COX15: variants seen among roughly 807,000 people sequenced by gnomAD.
COX15 encodes cytochrome c oxidase assembly factor COX15.
A neutral mutation model predicts 51.9 loss-of-function variants in COX15; 51 were observed. The observed-to-expected ratio is 0.98, with a 90% confidence interval of 0.78 to 1.24. The LOEUF (loss-of-function observed/expected upper bound fraction) is 1.24, where lower values mean the gene tolerates loss of function less well. Among genes scored for constraint, COX15 ranks in the 50% most tolerant of loss-of-function variants. The pLI is 0.00. For missense variants in COX15, 420 were observed against 501.1 expected, an observed-to-expected ratio of 0.84 and a Z score of 1.55; for synonymous variants, 188 against 190.5, an observed-to-expected ratio of 0.99 and a Z score of 0.11.
intron 8 of COX15, 76 bp downstream of exon 8, chr10:99,716,272 C>T (rs2036570220): frequency 9.7e-7 from 1 of 1,034,360 alleles, no homozygotes; most frequent in Non-Finnish European, 1.5e-6. Context: ...GGATTACAGC[C>T]ATGAGCCACT....
Position 99,712,991 on chromosome 10 carries a change from CAG to C in COX15, c.*1594_*1595del, listed in dbSNP as rs1313116253. The C allele has an allele frequency of 1.9e-6, 2 of 1,040,798 alleles. No homozygotes were observed. Among genetic ancestry groups the C allele is most frequent in the South Asian group, 3.3e-5 (1 of 30,374 alleles). 64.5% of individuals were successfully genotyped at this position (1,040,798 alleles called of 1,614,324 possible). On this transcript the variant is annotated 3_prime_UTR_variant, in exon 9 of 9. Transcript: ENST00000016171. ...GTTCCTTCACCTATTCCCTGTGTGA[CAG>C]GGGTTCTGGACTCATCATTCTGATC...
At chr10:99,709,867 A>G, downstream of COX15, 1 of 985,444 alleles carries the variant, frequency 1.0e-6, no homozygotes, top group Non-Finnish European at 1.2e-6. Flanking sequence ...ATAACACACC[A>G]GTTGACCATT....
chr10:99,708,143 T>A (rs958902754), downstream of COX15, among the ~76,000 whole-genome samples: 1 of 152,174 alleles, frequency 6.6e-6, no homozygotes, highest in Non-Finnish European at 1.5e-5. Flanking sequence ...TCTCCAAATG[T>A]CTTCCAAAGT....
intron 5 of COX15, 117 bp from the exon 6 acceptor site, chr10:99,721,185 A>G (rs974488451): frequency 1.7e-5 from 13 of 768,894 alleles, no homozygotes; most frequent in Non-Finnish European, 2.5e-5. Context: ...TCTGACCCCT[A>G]GACTAGGTTA....
chr10:99,728,733 A>G (rs1308072406), intron 2 of COX15, among the ~76,000 whole-genome samples: 1 of 152,238 alleles, frequency 6.6e-6, no homozygotes, highest in Admixed American at 6.5e-5. Context: ...GACGGGACAA[A>G]GGAACATGTT....
chr10:99,713,714 A>C lies in COX15; in HGVS notation c.*873T>G, dbSNP rs1198293213. 3 of 621,998 alleles carry C rather than the reference A, an allele frequency of 4.8e-6. No individual in the cohort carries two copies. Among genetic ancestry groups the C allele is most frequent in the Non-Finnish European group, 7.8e-6 (3 of 385,560 alleles). The allele number at this position is 621,998 out of a possible 1,614,324, so 38.5% of individuals were successfully genotyped here. On this transcript the variant is annotated 3_prime_UTR_variant, in exon 9 of 9. Coordinates refer to ENST00000016171, the MANE Select transcript of COX15 (RefSeq NM_078470.6). ...GCTGGGCGTGGTGGCCCATGCCTGT[A>C]ATCTCAGCACTTTGGGAAGCCGAGA...
Position 99,714,134 on chromosome 10 carries a change from G to C in COX15, c.*453C>G, listed in dbSNP as rs1590080122. 1 of 1,009,916 alleles carries C rather than the reference G, an allele frequency of 9.9e-7. No individual in the cohort carries two copies. The highest frequency in any genetic ancestry group is 9.5e-5 in the East Asian group (1 of 10,472). 62.6% of individuals were successfully genotyped at this position (1,009,916 alleles called of 1,614,324 possible). On this transcript the variant is annotated 3_prime_UTR_variant, in exon 9 of 9. Coordinates refer to ENST00000016171, the MANE Select transcript of COX15 (RefSeq NM_078470.6). ...CATTAGCTTTTTTTTTTTTGCTGAA[G>C]ACCAGCTGGCTACTTTGGGTATGTC...
the COX15 span, among the ~76,000 whole-genome samples, chr10:99,694,364 T>TTTCA: frequency 6.6e-6 from 1 of 152,202 alleles, no homozygotes; most frequent in Non-Finnish European, 1.5e-5. Context: ...GGTATGGGTA[T>TTTCA]TTCATTCCTT....
At chr10:99,717,709 T>C (rs2036620599) in intron 7 of COX15, among the ~76,000 whole-genome samples, 1 of 152,050 alleles carries the variant, frequency 6.6e-6, no homozygotes, top group Non-Finnish European at 1.5e-5. Flanking sequence ...TTAAATTCTC[T>C]CTCAAATGCA....
In COX15 at chr10:99,713,911, G is replaced by T; in HGVS notation, c.*676C>A. 1.3e-6 allele frequency: 1 copy of T among 755,746 alleles called. No individual in the cohort carries two copies. Among genetic ancestry groups the T allele is most frequent in the South Asian group, 4.3e-5 (1 of 23,188 alleles). The allele number at this position is 755,746 out of a possible 1,614,324, so 46.8% of individuals were successfully genotyped here. ...TTGAACCTGGGAAGTGGAGGTTGCA[G>T]AGTGAGCTGAGATCACGCCATTGTA... On this transcript the variant is annotated 3_prime_UTR_variant, in exon 9 of 9. Coordinates refer to ENST00000016171, the MANE Select transcript of COX15 (RefSeq NM_078470.6).
chr10:99,708,832 C>CT (rs2036302543), downstream of COX15: 1 of 985,318 alleles, frequency 1.0e-6, no homozygotes, highest in African/African-American at 1.7e-5. Flanking sequence ...AGCCCAACTA[C>CT]TTTGTCAGCT....
At chr10:99,704,684 G>C in the COX15 span, 7 of 1,611,718 alleles carry the variant, frequency 4.3e-6, no homozygotes, top group Non-Finnish European at 5.9e-6. Flanking sequence ...GGGGCCGTGA[G>C]GCTGGACCAG....
At position 99,715,496 on chromosome 10, in the gene COX15, G is replaced by A. The variant is rs140065710; in HGVS notation, c.1102-778C>T. Among the ~76,000 whole-genome samples the A allele has an allele frequency of 4.1e-4, 48 of 117,048 alleles. No individual in the cohort carries two copies. In the East Asian group the frequency reaches 0.011, roughly 27 times the overall value. The allele number at this position is 117,048 out of a possible 152,430, so 76.8% of individuals were successfully genotyped here. A position where few individuals can be genotyped will look rare whatever the true frequency, so the allele number is the denominator to read the frequency against. On this transcript the variant is annotated intron_variant, in intron 8 of 8. Coordinates refer to ENST00000016171, the MANE Select transcript of COX15 (RefSeq NM_078470.6). Reference sequence around the variant, plus strand: ...TTTTTCACTATCACAATTCTATGATGAATTTTCTCATACAAAAGGTCTTTG... The same window carrying A: ...TTTTTCACTATCACAATTCTATGATAAATTTTCTCATACAAAAGGTCTTTG...
chr10:99,707,795 T>A (rs1273795690), downstream of COX15, among the ~76,000 whole-genome samples: 2 of 152,208 alleles, frequency 1.3e-5, no homozygotes, highest in African/African-American at 4.8e-5. Context: ...AAATACCCAT[T>A]TATGTGGCAT....
the COX15 span, chr10:99,700,989 C>T: frequency 2.5e-6 from 4 of 1,613,928 alleles, no homozygotes; most frequent in Non-Finnish European, 3.4e-6. Context: ...TGTGGCATGG[C>T]TTGGTCGGTA....
In COX15 at chr10:99,713,407, C is replaced by A. The variant is rs1269338829; in HGVS notation, c.*1180G>T. 6.2e-7 allele frequency: 1 copy of A among 1,613,846 alleles called. No individual in the cohort carries two copies. Among genetic ancestry groups the A allele is most frequent in the Non-Finnish European group, 8.5e-7 (1 of 1,180,000 alleles). The stretch of plus-strand genomic sequence containing the variant: ...TATTAGCAATATTGGGTTGCTCCAT[C>A]CTCAAATCAGATGTTTCTGATGCCT... On this transcript the variant is annotated 3_prime_UTR_variant, in exon 9 of 9. Transcript: ENST00000016171.
the COX15 span, chr10:99,698,446 T>C: frequency 2.3e-6 from 3 of 1,292,144 alleles, no homozygotes; most frequent in African/African-American, 4.4e-5. Context: ...AGTAGTAAGA[T>C]ATTTCTGATG....
At chr10:99,720,744 G>A (rs2036735413) in intron 6 of COX15, among the ~76,000 whole-genome samples, 1 of 152,132 alleles carries the variant, frequency 6.6e-6, no homozygotes, top group Admixed American at 6.5e-5. Context: ...AGGTAGTGAA[G>A]CCAGGATTTG....
rs376534182 is a variant in COX15, at chr10:99,714,730, G to C, written c.1102-12C>G. 1 of 1,612,480 alleles carries C rather than the reference G, an allele frequency of 6.2e-7. No individual in the cohort carries two copies. Among genetic ancestry groups the C allele is most frequent in the Non-Finnish European group, 8.5e-7 (1 of 1,179,994 alleles). On this transcript the variant is annotated splice_polypyrimidine_tract_variant and intron_variant, in intron 8 of 8. Transcript: ENST00000016171. ...ATGCCCAAGCCCACCTGTCACAAAGGAAAGAAGGCAATAGGAAAGGCAGTA... is the reference window on the plus strand; with the variant it reads ...ATGCCCAAGCCCACCTGTCACAAAGCAAAGAAGGCAATAGGAAAGGCAGTA...
Sources: allele counts gnomAD v4.1 joint callset (sites outside exome capture counted in the v4.1 genomes callset), GRCh38; gene constraint gnomAD v4.1.1; transcripts MANE v1.5; gene names NCBI Gene and HGNC (gene_info 2026-07-23, HGNC 2026-07-21).